USP54: variants seen among roughly 807,000 people sequenced by gnomAD.
The protein encoded by USP54 is ubiquitin carboxyl-terminal hydrolase 54.
Under a neutral mutation model 170.5 loss-of-function variants are expected in USP54, and 87 were observed. The ratio of observed to expected loss-of-function variants is 0.51; its 90% confidence interval spans 0.43 to 0.61. The LOEUF is 0.61. Ranked by LOEUF, USP54 falls within the 20% of genes least tolerant of loss-of-function variation. The pLI is 0.00. For missense variants in USP54, 1,786 were observed against 2,047.8 expected (o/e 0.87, Z 2.47); for synonymous variants, 655 against 742.8 (o/e 0.88, Z 1.92).
At position 73,510,737 on chromosome 10, in the gene USP54, C is replaced by T. The variant is rs185541149; in HGVS notation, c.4052-5311G>A. 9.9e-4 allele frequency among the ~76,000 whole-genome samples: 151 copies of T among 152,282 alleles called. 1 individual carries two copies. The highest frequency in any genetic ancestry group is 1.3e-3 in the Non-Finnish European group (89 of 68,018). On this transcript the variant is annotated intron_variant, in intron 20 of 23. Coordinates refer to ENST00000687698, the MANE Select transcript of USP54 (RefSeq NM_001391956.1). ...GTGCTGGGATTACAGGTGTGAGTCA[C>T]TGTGCCCGGCCTACTCTTATTCTTT... is the stretch of plus-strand genomic sequence containing the variant.
intron 1 of USP54, among the ~76,000 whole-genome samples, chr10:73,605,687 A>G (rs2079562240): frequency 6.6e-6 from 1 of 152,204 alleles, no homozygotes; most frequent in Non-Finnish European, 1.5e-5. Flanking sequence ...TACATGCTAC[A>G]ACACAGATGA....
intron 1 of USP54, among the ~76,000 whole-genome samples, chr10:73,604,317 T>C (rs1290855446): frequency 1.3e-5 from 2 of 152,170 alleles, no homozygotes; most frequent in Non-Finnish European, 2.9e-5. Context: ...GAAATTGGTA[T>C]CCTTGTGCAC....
chr10:73,624,159 CATATAT>C (rs58238181), intron 1 of USP54, among the ~76,000 whole-genome samples: 1,324 of 69,848 alleles, frequency 0.019, 30 homozygotes, highest in African/African-American at 0.05. Flanking sequence ...TTTTAAAAGC[CATATAT>C]ATATATATAT....
intron 4 of USP54, among the ~76,000 whole-genome samples, chr10:73,557,472 C>T (rs1345795333): frequency 1.3e-5 from 2 of 151,090 alleles, no homozygotes; most frequent in East Asian, 3.9e-4. Context: ...AGGTGCCGCC[C>T]ACCACACCTG....
At chr10:73,623,245 G>A (rs768899519) in intron 1 of USP54, among the ~76,000 whole-genome samples, 9 of 152,016 alleles carry the variant, frequency 5.9e-5, no homozygotes, top group Non-Finnish European at 1.3e-4. Context: ...AATTAACTGC[G>A]CGTGGTTGCA....
chr10:73,607,375 G>T (rs2079750308), intron 1 of USP54, among the ~76,000 whole-genome samples: 1 of 140,402 alleles, frequency 7.1e-6, no homozygotes, highest in Non-Finnish European at 1.6e-5. Flanking sequence ...TTAGCCTAAA[G>T]AACATAGTCT....
At position 73,498,786 on chromosome 10, in the gene USP54, C is replaced by T. The variant is rs761365905; in HGVS notation, c.4898G>A (p.Arg1633Lys). ...GTCATCATCTGGGGGCATATCTACTCTTCGAGGACCAGGGGTTCGGGACCC... is the reference window on the plus strand; with the variant it reads ...GTCATCATCTGGGGGCATATCTACTTTTCGAGGACCAGGGGTTCGGGACCC... ...VPGSRTPGPR[R>K]VDMPPDDDWR... Residue 1633 changes from arginine to lysine, a missense_variant, in exon 24 of 24, where the codon AGA becomes AAA. Around this residue, in one of 3 missense-constraint regions of USP54, gnomAD observed 1,418 missense variants for 1,569.0 expected, o/e 0.90. Transcript: ENST00000687698. 1 of 1,613,602 alleles carries T rather than the reference C, an allele frequency of 6.2e-7. No homozygotes were observed. Among genetic ancestry groups the T allele is most frequent in the East Asian group, 2.2e-5 (1 of 44,876 alleles).
intron 17 of USP54, among the ~76,000 whole-genome samples, chr10:73,521,747 C>A (rs958164825): frequency 6.6e-6 from 1 of 152,166 alleles, no homozygotes; most frequent in South Asian, 2.1e-4. Flanking sequence ...CCAAAACTAC[C>A]CCCAAAGAAG....
chr10:73,499,288 CCAAGAG>C (rs1305752531), intron 23 of USP54, 100 bp from the exon 24 acceptor site: 1 of 1,160,516 alleles, frequency 8.6e-7, no homozygotes, highest in Non-Finnish European at 1.2e-6. Context: ...CCCTACTCCT[CCAAGAG>C]CATACATACA....
intron 5 of USP54, 87 bp downstream of exon 5, chr10:73,545,451 C>T: frequency 6.5e-7 from 1 of 1,538,570 alleles, no homozygotes; most frequent in Non-Finnish European, 8.8e-7. Flanking sequence ...AAGGGCACAG[C>T]AAATTCCACC....
chr10:73,579,244 C>G (rs2076548990), intron 1 of USP54, among the ~76,000 whole-genome samples: 2 of 151,874 alleles, frequency 1.3e-5, no homozygotes, highest in Non-Finnish European at 2.9e-5. Context: ...AGCCACTGCA[C>G]CCGGACAAAG....
At chr10:73,621,071 G>A (rs1589428415) in intron 1 of USP54, among the ~76,000 whole-genome samples, 1 of 150,058 alleles carries the variant, frequency 6.7e-6, no homozygotes. Flanking sequence ...CAGGAGAATC[G>A]CTTGAACCTG....
chr10:73,614,377 T>C (rs1395579111), intron 1 of USP54, among the ~76,000 whole-genome samples: 1 of 149,878 alleles, frequency 6.7e-6, no homozygotes. Flanking sequence ...ATGGCCAACA[T>C]AGTGAAACCC....
At chr10:73,573,149 G>A (rs904202393) in intron 3 of USP54, among the ~76,000 whole-genome samples, 18 of 151,936 alleles carry the variant, frequency 1.2e-4, no homozygotes, top group Non-Finnish European at 2.4e-4. Flanking sequence ...AATTAGCTGC[G>A]TGTGGTAGCA....
chr10:73,522,195 T>C (rs931200806), intron 17 of USP54, among the ~76,000 whole-genome samples: 1 of 152,232 alleles, frequency 6.6e-6, no homozygotes, highest in African/African-American at 2.4e-5. Flanking sequence ...AACTTGGCAC[T>C]CAGGATCCAC....
At chr10:73,568,565 A>G (rs1399051609) in intron 4 of USP54, among the ~76,000 whole-genome samples, 1 of 152,178 alleles carries the variant, frequency 6.6e-6, no homozygotes, top group Non-Finnish European at 1.5e-5. Context: ...TAACATCTAT[A>G]TAGCACTGAG....
At chr10:73,601,330 G>C (rs942000597) in intron 1 of USP54, among the ~76,000 whole-genome samples, 1 of 152,088 alleles carries the variant, frequency 6.6e-6, no homozygotes, top group African/African-American at 2.4e-5. Flanking sequence ...GTTAAGTCAT[G>C]GAAAGTCACC....
At chr10:73,568,610 A>T (rs1159809184) in intron 4 of USP54, among the ~76,000 whole-genome samples, 1 of 152,186 alleles carries the variant, frequency 6.6e-6, no homozygotes, top group Non-Finnish European at 1.5e-5. Flanking sequence ...AAAAAATCAA[A>T]TTTTAATACA....
At chr10:73,539,294 T>TAA (rs1230364085) in intron 10 of USP54, 150 bp downstream of exon 10, 372 of 208,622 alleles carry the variant, frequency 1.8e-3, no homozygotes, top group East Asian at 3.7e-3. Flanking sequence ...AAAAAAAAAT[T>TAA]AAAAAAAAAA....
Sources: gnomAD v4.1 joint callset for allele counts (sites outside exome capture counted in the v4.1 genomes callset) on GRCh38, gnomAD v4.1.1 for gene constraint, gnomAD v4.1.1 regional missense constraint, MANE v1.5 for transcripts, NCBI Gene and HGNC (gene_info 2026-07-23, HGNC 2026-07-21) for gene names.